DLG1: variants seen among roughly 807,000 people sequenced by gnomAD.
DLG1 encodes discs large MAGUK scaffold protein 1.
Under a neutral mutation model 123.4 loss-of-function variants are expected in DLG1, and 42 were observed. That is an observed-to-expected ratio of 0.34 (90% CI 0.27 to 0.44). The LOEUF is 0.44. Among genes scored for constraint, DLG1 ranks in the 20% least tolerant of loss-of-function variants. DLG1 has a pLI of 1.00. For synonymous variants in DLG1, 317 were observed against 356.2 expected (o/e 0.89, Z 1.24); for missense variants, 942 against 1,082.6 (o/e 0.87, Z 1.82).
At chr3:197,256,108 A>G (rs1756746349) in intron 4 of DLG1, among the ~76,000 whole-genome samples, 1 of 152,230 alleles carries the variant, frequency 6.6e-6, no homozygotes, top group African/African-American at 2.4e-5. Flanking sequence ...TTTATTTGGC[A>G]TTCTATGTGT....
chr3:197,089,778 A>G (rs9871640), intron 15 of DLG1, among the ~76,000 whole-genome samples: 145,540 of 152,192 alleles, frequency 0.96, 69,646 homozygotes, highest in East Asian at 1. Context: ...CTTCTTCGAT[A>G]TATTTGTATA....
At chr3:197,158,786 A>AT (rs1466995029) in intron 5 of DLG1, among the ~76,000 whole-genome samples, 3 of 152,212 alleles carry the variant, frequency 2.0e-5, no homozygotes, top group African/African-American at 7.2e-5. Context: ...GACAGAGACG[A>AT]TGTTCTATTC....
intron 16 of DLG1, among the ~76,000 whole-genome samples, chr3:197,084,392 A>G (rs868696736): frequency 6.6e-6 from 1 of 151,154 alleles, no homozygotes; most frequent in Non-Finnish European, 1.5e-5. Context: ...GCTCACTGCA[A>G]CCTCCACCTC....
At chr3:197,118,185 T>C (rs183620141) in intron 12 of DLG1, among the ~76,000 whole-genome samples, 14 of 152,290 alleles carry the variant, frequency 9.2e-5, no homozygotes, top group African/African-American at 3.4e-4. Flanking sequence ...AAGGTGCAAA[T>C]ATAACTTATT....
chr3:197,108,666 T>C (rs1768015495), intron 13 of DLG1, among the ~76,000 whole-genome samples: 1 of 152,200 alleles, frequency 6.6e-6, no homozygotes, highest in South Asian at 2.1e-4. Flanking sequence ...ATATTAGTCA[T>C]ATTAGTACAG....
intron 4 of DLG1, among the ~76,000 whole-genome samples, chr3:197,269,676 C>G (rs893748094): frequency 2.6e-5 from 4 of 152,142 alleles, no homozygotes; most frequent in Non-Finnish European, 1.5e-5. Context: ...AAAGTAAACA[C>G]AGTATAAGCT....
Position 197,091,031 on chromosome 3 carries a change from T to C in DLG1, c.1547-5A>G, listed in dbSNP as rs1757436570. On this transcript the variant is annotated splice_region_variant and splice_polypyrimidine_tract_variant and intron_variant, in intron 14 of 24. Transcript: ENST00000667157. ...TAGCTTCAAAACGACTGTATTCTGA[T>C]GGAAGAAAAAGAGAAATAAATTGAT... 4.5e-6 allele frequency: 7 copies of C among 1,561,918 alleles called. No homozygotes were observed. Among genetic ancestry groups the C allele is most frequent in the Non-Finnish European group, 4.4e-6 (5 of 1,135,380 alleles).
chr3:197,248,118 C>T (rs1184743659), intron 4 of DLG1, among the ~76,000 whole-genome samples: 8 of 152,154 alleles, frequency 5.3e-5, no homozygotes, highest in African/African-American at 1.9e-4. Context: ...TTTCAACCTC[C>T]AAGATAACCT....
chr3:197,147,195 T>C (rs112501846), intron 6 of DLG1, among the ~76,000 whole-genome samples: 15 of 152,272 alleles, frequency 9.9e-5, no homozygotes, highest in African/African-American at 3.6e-4. Flanking sequence ...TTGATGGGAA[T>C]GTAAACTAGT....
rs370006644 is a variant in DLG1 at position 197,211,129 on chromosome 3, A to G, written c.319-16540T>C. Among the ~76,000 whole-genome samples the G allele has an allele frequency of 6.1e-5, 9 of 146,610 alleles. 1 individual carries two copies. In the East Asian group the frequency reaches 9.8e-4, roughly 16 times the overall value. The stretch of plus-strand genomic sequence containing the variant: ...TGATCCAATTGAATACCAATTCATA[A>G]AACTCTCAGCAAACTAAAAATCCAG... On this transcript the variant is annotated intron_variant, in intron 4 of 24. Coordinates refer to ENST00000667157, the MANE Select transcript of DLG1 (RefSeq NM_001366207.1).
intron 3 of DLG1, among the ~76,000 whole-genome samples, chr3:197,293,020 T>G (rs989478864): frequency 3.3e-5 from 5 of 152,198 alleles, no homozygotes; most frequent in Non-Finnish European, 7.3e-5. Context: ...GAAACCACTA[T>G]GGACCTGAAT....
intron 4 of DLG1, among the ~76,000 whole-genome samples, chr3:197,197,524 A>C (rs1577935296): frequency 6.6e-6 from 1 of 152,384 alleles, no homozygotes; most frequent in Non-Finnish European, 1.5e-5. Context: ...TTTTCAAGAC[A>C]GATTTGAAAA....
intron 6 of DLG1, among the ~76,000 whole-genome samples, chr3:197,145,704 T>G (rs1170444272): frequency 2.0e-5 from 3 of 152,122 alleles, no homozygotes; most frequent in African/African-American, 7.2e-5. Flanking sequence ...AGGTGCTCAG[T>G]AAATATTCCT....
At chr3:197,173,723 T>C (rs1201108149) in intron 5 of DLG1, among the ~76,000 whole-genome samples, 1 of 152,236 alleles carries the variant, frequency 6.6e-6, no homozygotes. Context: ...CATGCAGTAA[T>C]TGTTGCAACT....
chr3:197,208,890 T>G (rs74547534), intron 4 of DLG1, among the ~76,000 whole-genome samples: 1 of 145,804 alleles, frequency 6.9e-6, no homozygotes, highest in African/African-American at 2.4e-5. Flanking sequence ...GTATTATTCA[T>G]TCACAAAATT....
chr3:197,187,643 T>C (rs1208609951), intron 5 of DLG1, among the ~76,000 whole-genome samples: 1 of 152,176 alleles, frequency 6.6e-6, no homozygotes, highest in Non-Finnish European at 1.5e-5. Flanking sequence ...CATCCTCCCA[T>C]ACACTCAATA....
chr3:197,047,981 G>A (rs545827582), intron 24 of DLG1, among the ~76,000 whole-genome samples: 2 of 152,120 alleles, frequency 1.3e-5, no homozygotes, highest in African/African-American at 4.8e-5. Flanking sequence ...TGGAAGAGGA[G>A]AAAATATTTC....
chr3:197,186,039 T>C (rs1186613970), intron 5 of DLG1, among the ~76,000 whole-genome samples: 1 of 152,190 alleles, frequency 6.6e-6, no homozygotes, highest in Non-Finnish European at 1.5e-5. Flanking sequence ...TGATGCAAAT[T>C]TCCTATCCAA....
chr3:197,044,905 ATATAG>A (rs1721854009), intron 24 of DLG1, among the ~76,000 whole-genome samples, 176 bp from the exon 25 acceptor site: 1 of 152,166 alleles, frequency 6.6e-6, no homozygotes, highest in African/African-American at 2.4e-5. Context: ...TTTCCTATTT[ATATAG>A]TATAAAATTT....
Sources: allele counts gnomAD v4.1 joint callset (sites outside exome capture counted in the v4.1 genomes callset), GRCh38; gene constraint gnomAD v4.1.1; transcripts MANE v1.5; gene names NCBI Gene and HGNC (gene_info 2026-07-23, HGNC 2026-07-21).